The following MGAT5 variants were observed in gnomAD, a reference collection of about 807,000 sequenced individuals.
MGAT5 encodes alpha-1,6-mannosylglycoprotein 6-beta-N-acetylglucosaminyltransferase A.
A neutral mutation model predicts 94.3 loss-of-function variants in MGAT5; 30 were observed. The observed-to-expected ratio is 0.32, with a 90% CI of 0.24 to 0.43. The LOEUF is 0.43. Among genes scored for constraint, MGAT5 ranks in the 20% least tolerant of loss-of-function variants. The pLI, the probability that MGAT5 is intolerant of heterozygous loss-of-function variation, is 1.00. For missense variants in MGAT5, 691 were observed against 905.5 expected (o/e 0.76, Z 3.04); for synonymous variants, 310 against 322.9 (o/e 0.96, Z 0.43).
intron 1 of MGAT5, among the ~76,000 whole-genome samples, chr2:134,219,107 G>T (rs76296620): frequency 6.6e-6 from 1 of 152,142 alleles, no homozygotes; most frequent in Admixed American, 6.5e-5. Context: ...GTGTGAGTGC[G>T]GTGGAGTGGG....
At chr2:134,381,399 TAGATAGATAGATA>T (rs1558841911) in intron 10 of MGAT5, among the ~76,000 whole-genome samples, 200 of 84,720 alleles carry the variant, frequency 2.4e-3, no homozygotes, top group African/African-American at 7.6e-3. Context: ...GATAGATAGA[TAGATAGATAGATA>T]GATAGATAGA....
At chr2:134,387,332 A>ATTTTTTTTTTTT (rs35936767) in intron 10 of MGAT5, among the ~76,000 whole-genome samples, 7 of 24,262 alleles carry the variant, frequency 2.9e-4, no homozygotes, top group African/African-American at 1.4e-3. Context: ...ATATATATAT[A>ATTTTTTTTTTTT]TTTTTTTTTT....
chr2:134,277,977 A>G (rs1029440470), intron 2 of MGAT5, among the ~76,000 whole-genome samples: 11 of 152,306 alleles, frequency 7.2e-5, no homozygotes, highest in African/African-American at 2.2e-4. Flanking sequence ...CACTTAGCTT[A>G]TATTAACTTA....
chr2:134,382,784 C>T (rs993600403), intron 10 of MGAT5, among the ~76,000 whole-genome samples: 4 of 152,204 alleles, frequency 2.6e-5, no homozygotes, highest in African/African-American at 9.7e-5. Flanking sequence ...AACATTGGGG[C>T]GGCCAGACTG....
rs749500470 is a variant in MGAT5 at position 134,313,077 on chromosome 2, CACACACACACACACAT to C, written c.407-4450_407-4435del. On this transcript the variant is annotated intron_variant, in intron 2 of 15. Transcript: ENST00000281923. ...ACACACACACACACACACACACACA[CACACACACACACACAT>C]ATCTGTCTGGTTTCATATTTCTTTG... Among the ~76,000 whole-genome samples the C allele has an allele frequency of 2.2e-3, 185 of 82,622 alleles. 1 individual carries two copies. The highest frequency in any genetic ancestry group is 5.1e-3 in the Middle Eastern group (1 of 196). 54.2% of individuals were successfully genotyped at this position (82,622 alleles called of 152,430 possible). A position where few individuals can be genotyped will look rare whatever the true frequency, so the allele number is the denominator to read the frequency against.
chr2:134,442,033 T>C lies in MGAT5; in HGVS notation c.2027+118T>C, dbSNP rs372800737. 28 of 1,170,058 alleles carry C rather than the reference T, an allele frequency of 2.4e-5. No individual in the cohort carries two copies. In the African/African-American group the frequency reaches 4.1e-4, roughly 17 times the overall value. 72.5% of individuals were successfully genotyped at this position (1,170,058 alleles called of 1,614,324 possible). A position where few individuals can be genotyped will look rare whatever the true frequency, so the allele number is the denominator to read the frequency against. The stretch of plus-strand genomic sequence containing the variant: ...AAGCTACTGGGCTGTGGGGATAAGG[T>C]GTGGGAGGGGAGTAGGTTGCAGCAG... On this transcript the variant is annotated intron_variant, in intron 15 of 15. Transcript: ENST00000281923.
chr2:134,267,159 G>C (rs905090271), intron 1 of MGAT5, among the ~76,000 whole-genome samples: 2 of 152,170 alleles, frequency 1.3e-5, no homozygotes, highest in African/African-American at 4.8e-5. Context: ...AGATTCAGGG[G>C]GAGCAAGTCA....
intron 4 of MGAT5, among the ~76,000 whole-genome samples, chr2:134,334,057 A>G (rs1001813290): frequency 6.6e-6 from 1 of 152,168 alleles, no homozygotes; most frequent in African/African-American, 2.4e-5. Context: ...TTACGAGTGC[A>G]TGTATAACAG....
At chr2:134,283,680 ACT>A (rs1359002226) in intron 2 of MGAT5, among the ~76,000 whole-genome samples, 1 of 121,768 alleles carries the variant, frequency 8.2e-6, no homozygotes, top group Non-Finnish European at 1.7e-5. Flanking sequence ...TTTTACAGAA[ACT>A]CTTCTCAGTT....
At chr2:134,294,061 G>C (rs528594352) in intron 2 of MGAT5, among the ~76,000 whole-genome samples, 3 of 152,174 alleles carry the variant, frequency 2.0e-5, no homozygotes, top group South Asian at 2.1e-4. Context: ...TGCATGTTCA[G>C]TGTAAAGATG....
chr2:134,255,089 C>T (rs1421686292), intron 1 of MGAT5, among the ~76,000 whole-genome samples: 5 of 152,098 alleles, frequency 3.3e-5, no homozygotes, highest in Non-Finnish European at 5.9e-5. Context: ...AATTGTGTTC[C>T]TCCCTCCAGC....
chr2:134,381,459 TGGTA>T (rs1207503077), intron 10 of MGAT5, among the ~76,000 whole-genome samples: 1 of 150,392 alleles, frequency 6.6e-6, no homozygotes, highest in African/African-American at 2.5e-5. Flanking sequence ...AAGACCTGTC[TGGTA>T]GGTAGGTAGG....
chr2:134,402,892 C>T (rs1683133557), intron 10 of MGAT5, 96 bp from the exon 11 acceptor site: 2 of 1,236,056 alleles, frequency 1.6e-6, no homozygotes, highest in Non-Finnish European at 2.2e-6. Context: ...AACTCTCTGT[C>T]TGTGGCCTCT....
chr2:134,441,125 G>A (rs1685464904), intron 14 of MGAT5, among the ~76,000 whole-genome samples: 1 of 151,704 alleles, frequency 6.6e-6, no homozygotes, highest in African/African-American at 2.4e-5. Context: ...CACTAAGTGA[G>A]GACTTACTGT....
At position 134,183,638 on chromosome 2, in the gene MGAT5, A is replaced by G. The variant is rs149962798; in HGVS notation, c.-143+63347A>G. ...AGGAGCTGAAATTGCCCTTCATGCC[A>G]TGGGGAAATGGAGCACTCAGTTTGA... On this transcript the variant is annotated intron_variant, in intron 1 of 16. Coordinates refer to the MGAT5 transcript ENST00000409645. Among the ~76,000 whole-genome samples, 53 of 152,340 alleles carry G rather than the reference A, an allele frequency of 3.5e-4. 1 individual carries two copies. Among genetic ancestry groups the G allele is most frequent in the Non-Finnish European group, 6.8e-4 (46 of 68,030 alleles).
intron 10 of MGAT5, among the ~76,000 whole-genome samples, chr2:134,374,907 C>T (rs1268365826): frequency 2.6e-5 from 4 of 152,160 alleles, no homozygotes; most frequent in African/African-American, 7.2e-5. Flanking sequence ...GTGGGAGGAT[C>T]GCTTCAGTCT....
At chr2:134,433,270 C>T (rs1241107942) in intron 14 of MGAT5, among the ~76,000 whole-genome samples, 1 of 152,198 alleles carries the variant, frequency 6.6e-6, no homozygotes, top group Admixed American at 6.5e-5. Context: ...ATTAATATCA[C>T]AATTTGTTTA....
At chr2:134,350,926 C>A (rs1186057780) in intron 9 of MGAT5, among the ~76,000 whole-genome samples, 1 of 152,072 alleles carries the variant, frequency 6.6e-6, no homozygotes, top group African/African-American at 2.4e-5. Context: ...CCCAAAAGAC[C>A]CCTTCCTGAT....
chr2:134,193,703 G>C (rs1275050428), intron 1 of MGAT5, among the ~76,000 whole-genome samples: 1 of 151,364 alleles, frequency 6.6e-6, no homozygotes, highest in Non-Finnish European at 1.5e-5. Flanking sequence ...GTGTGTGTGT[G>C]TGTGTGTGTG....
Sources: allele counts gnomAD v4.1 joint callset (sites outside exome capture counted in the v4.1 genomes callset), GRCh38; gene constraint gnomAD v4.1.1; transcripts MANE v1.5; gene names NCBI Gene and HGNC (gene_info 2026-07-23, HGNC 2026-07-21).